Variants in PCDH15 observed in about 807,000 individuals in gnomAD.
PCDH15 encodes protocadherin-15.
In PCDH15, 129 loss-of-function variants were observed where a neutral mutation model predicts 178.5. The ratio of observed to expected loss-of-function variants is 0.72; its 90% confidence interval spans 0.63 to 0.84. The LOEUF is 0.84. PCDH15 is among the 40% of genes least tolerant of loss of function. PCDH15 has a pLI of 0.00. For missense variants in PCDH15, 2,230 were observed against 2,099.9 expected, an observed-to-expected ratio of 1.06 and a Z score of -1.21; for synonymous variants, 800 against 732.0, an observed-to-expected ratio of 1.09 and a Z score of -1.50.
intron 3 of PCDH15, among the ~76,000 whole-genome samples, chr10:54,893,308 A>C (rs1954494845): frequency 6.6e-6 from 1 of 152,144 alleles, no homozygotes; most frequent in Admixed American, 6.6e-5. Context: ...ATGCACTGAA[A>C]ATGAGAAATT....
intron 3 of PCDH15, among the ~76,000 whole-genome samples, chr10:54,482,546 A>G (rs2078794507): frequency 6.6e-6 from 1 of 151,794 alleles, no homozygotes; most frequent in Non-Finnish European, 1.5e-5. Flanking sequence ...CAATTGTGTC[A>G]ATAATAAGCA....
chr10:54,675,188 T>G (rs971411322), intron 1 of PCDH15, among the ~76,000 whole-genome samples: 3 of 152,020 alleles, frequency 2.0e-5, no homozygotes, highest in African/African-American at 4.8e-5. Flanking sequence ...AAATTCAAAC[T>G]GCCTGTATAA....
At position 55,434,992 on chromosome 10, in the gene PCDH15, T is replaced by C. The variant is rs531705975; in HGVS notation, c.-156+192633A>G. Among the ~76,000 whole-genome samples the C allele has an allele frequency of 4.6e-5, 7 of 152,348 alleles. No individual in the cohort carries two copies. In the South Asian group the frequency reaches 1.5e-3, roughly 32 times the overall value. ...TTTTATGAAAACATGAATAGTCATGTACTTGAAGAATATAAATGCTTACAG... is the reference window on the plus strand; with the variant it reads ...TTTTATGAAAACATGAATAGTCATGCACTTGAAGAATATAAATGCTTACAG... On this transcript the variant is annotated intron_variant, in intron 2 of 5. Transcript: ENST00000613346.
intron 25 of PCDH15, among the ~76,000 whole-genome samples, chr10:53,930,479 A>G (rs2084959259): frequency 1.3e-5 from 2 of 150,954 alleles, no homozygotes; most frequent in African/African-American, 4.9e-5. Flanking sequence ...AAAAAAAAAA[A>G]AAAAAAAGAA....
At chr10:55,490,799 T>A (rs1339161495) in intron 2 of PCDH15, among the ~76,000 whole-genome samples, 1 of 151,624 alleles carries the variant, frequency 6.6e-6, no homozygotes, top group Non-Finnish European at 1.5e-5. Flanking sequence ...AGAAGGTCAA[T>A]AAAGCTTAAG....
chr10:54,173,146 A>T (rs2047078769), intron 13 of PCDH15, among the ~76,000 whole-genome samples: 1 of 152,176 alleles, frequency 6.6e-6, no homozygotes, highest in Non-Finnish European at 1.5e-5. Context: ...AGATACTGAA[A>T]TATGTGCTAA....
At chr10:54,729,664 G>T (rs763896822) in intron 1 of PCDH15, among the ~76,000 whole-genome samples, 27 of 151,578 alleles carry the variant, frequency 1.8e-4, no homozygotes, top group Non-Finnish European at 2.2e-4. Context: ...TCTAACAATG[G>T]TCTAATATCC....
intron 1 of PCDH15, among the ~76,000 whole-genome samples, chr10:55,289,866 G>A (rs944179757): frequency 7.2e-5 from 11 of 152,020 alleles, no homozygotes; most frequent in African/African-American, 2.4e-4. Flanking sequence ...TCTTGGGAGT[G>A]AATCAGTTTT....
chr10:53,829,038 T>G (rs1034323939), intron 30 of PCDH15, among the ~76,000 whole-genome samples: 1 of 152,162 alleles, frequency 6.6e-6, no homozygotes, highest in Non-Finnish European at 1.5e-5. Flanking sequence ...GGTAATAAAT[T>G]TATGACAGTT....
intron 2 of PCDH15, among the ~76,000 whole-genome samples, chr10:55,528,072 T>G (rs1841344042): frequency 6.6e-6 from 1 of 152,014 alleles, no homozygotes; most frequent in Non-Finnish European, 1.5e-5. Flanking sequence ...GTTCTCACTC[T>G]GTTGCCCAAG....
intron 1 of PCDH15, among the ~76,000 whole-genome samples, chr10:54,718,913 T>C (rs779959110): frequency 6.6e-6 from 1 of 151,818 alleles, no homozygotes; most frequent in Non-Finnish European, 1.5e-5. Context: ...GCCAGGCTGG[T>C]CTTGAACTCC....
chr10:55,582,590 GTA>G (rs1389445010), intron 2 of PCDH15, among the ~76,000 whole-genome samples: 3 of 106,090 alleles, frequency 2.8e-5, no homozygotes, highest in African/African-American at 1.2e-4. Context: ...TTCTGTATGT[GTA>G]TGTGTATATA....
chr10:54,547,199 A>C (rs1320519360), intron 2 of PCDH15, among the ~76,000 whole-genome samples: 1 of 152,204 alleles, frequency 6.6e-6, no homozygotes. Context: ...CAAAGATACA[A>C]TAAAATAGAT....
chr10:55,565,604 G>A (rs1220162037), intron 2 of PCDH15, among the ~76,000 whole-genome samples: 5 of 151,344 alleles, frequency 3.3e-5, no homozygotes, highest in African/African-American at 9.7e-5. Context: ...TTAGCTAGAC[G>A]GACTAAGAGA....
chr10:54,279,166 CAAAT>C (rs908280531), intron 8 of PCDH15, among the ~76,000 whole-genome samples: 32 of 151,322 alleles, frequency 2.1e-4, no homozygotes, highest in African/African-American at 7.0e-4. Flanking sequence ...TTAAATAACA[CAAAT>C]AAGTAAATAT....
At chr10:54,530,628 C>T (rs16906254) in intron 2 of PCDH15, among the ~76,000 whole-genome samples, 28,802 of 152,004 alleles carry the variant, frequency 0.19, 2,998 homozygotes, top group East Asian at 0.31. Flanking sequence ...TCACTAACCC[C>T]TCAATAGCAG....
intron 20 of PCDH15, among the ~76,000 whole-genome samples, chr10:54,018,574 A>C (rs1238107114): frequency 6.6e-6 from 1 of 152,126 alleles, no homozygotes; most frequent in African/African-American, 2.4e-5. Flanking sequence ...GCCTAGAGTT[A>C]TCTGCATGAT....
At chr10:54,463,161 A>G (rs1011107813) in intron 3 of PCDH15, among the ~76,000 whole-genome samples, 12 of 152,158 alleles carry the variant, frequency 7.9e-5, no homozygotes, top group African/African-American at 2.9e-4. Context: ...AAAATCTAAT[A>G]AGCTGAGTGA....
chr10:54,221,447 G>T (rs1214874455), intron 9 of PCDH15, among the ~76,000 whole-genome samples: 1 of 151,952 alleles, frequency 6.6e-6, no homozygotes, highest in East Asian at 1.9e-4. Context: ...GTATCACCAT[G>T]ACTAAGATAG....
Sources: allele counts gnomAD v4.1 joint callset (sites outside exome capture counted in the v4.1 genomes callset), GRCh38; gene constraint gnomAD v4.1.1; transcripts MANE v1.5; gene names NCBI Gene and HGNC (gene_info 2026-07-23, HGNC 2026-07-21).